Variants in SLC4A10 observed in about 807,000 individuals in gnomAD.
SLC4A10 encodes the protein solute carrier family 4 member 10, also known as sodium-driven chloride bicarbonate exchanger.
SLC4A10 carries 42 observed loss-of-function variants against 137.7 expected under a neutral mutation model. The ratio of observed to expected loss-of-function variants is 0.30; its 90% CI spans 0.24 to 0.39. The LOEUF (loss-of-function observed/expected upper bound fraction) is 0.39. Among genes scored for constraint, SLC4A10 ranks in the 10% least tolerant of loss-of-function variants. The probability of loss-of-function intolerance (pLI) is 1.00; values close to 1 mark genes in which losing one functional copy is unlikely to be tolerated. For synonymous variants in SLC4A10, 474 were observed against 464.1 expected (o/e 1.02, Z -0.27); for missense variants, 925 against 1,355.0 (o/e 0.68, Z 4.98).
chr2:161,960,060 G>A (rs990691155), intron 21 of SLC4A10, among the ~76,000 whole-genome samples: 3 of 152,082 alleles, frequency 2.0e-5, no homozygotes, highest in Non-Finnish European at 2.9e-5. Flanking sequence ...AATGACTGTG[G>A]TCCTTATAAG....
intron 1 of SLC4A10, among the ~76,000 whole-genome samples, chr2:161,672,403 A>G (rs191364118): frequency 1.8e-3 from 270 of 152,254 alleles, no homozygotes; most frequent in Non-Finnish European, 2.8e-3. Flanking sequence ...CTGCCTCCTG[A>G]CTTTTTCAAA....
chr2:161,959,831 A>G (rs182776763), intron 21 of SLC4A10, among the ~76,000 whole-genome samples: 72 of 152,296 alleles, frequency 4.7e-4, no homozygotes, highest in Non-Finnish European at 7.9e-4. Flanking sequence ...TAAAACCTCC[A>G]CAAGTGTATT....
intron 6 of SLC4A10, among the ~76,000 whole-genome samples, chr2:161,864,724 C>A (rs1338496093): frequency 6.6e-6 from 1 of 152,042 alleles, no homozygotes; most frequent in African/African-American, 2.4e-5. Context: ...TGCTTTGAAT[C>A]AAATCATATA....
chr2:161,945,386 T>C (rs1470934240), intron 16 of SLC4A10, among the ~76,000 whole-genome samples: 1 of 151,380 alleles, frequency 6.6e-6, no homozygotes, highest in Admixed American at 6.6e-5. Flanking sequence ...ATGCCAACTT[T>C]AATTTCTTAT....
In SLC4A10 at chr2:161,882,392, G is replaced by T; in HGVS notation, c.1142G>T (p.Gly381Val). 2 of 1,596,360 alleles carry T rather than the reference G, an allele frequency of 1.3e-6. No homozygotes were observed. The highest frequency in any genetic ancestry group is 1.7e-6 in the Non-Finnish European group (2 of 1,170,938). The change falls in exon 10 of 27, where the codon GGT (glycine) becomes GTT (valine). Residue 381 changes from glycine (G) to valine (V), a missense_variant. Transcript: ENST00000446997. ...LFILLGPLGK[G>V]QQYHEIGRSI... Reference sequence around the variant, plus strand: ...ATTCTTCTGGGACCCCTGGGAAAGGGTCAACAGTACCATGAGATTGGCAGA... The same window carrying T: ...ATTCTTCTGGGACCCCTGGGAAAGGTTCAACAGTACCATGAGATTGGCAGA...
chr2:161,984,852 A>G lies in SLC4A10; in HGVS notation c.*1700A>G, dbSNP rs1023761108. 5 of 151,960 alleles carry G rather than the reference A, an allele frequency of 3.3e-5. No individual in the cohort carries two copies. The highest frequency in any genetic ancestry group is 3.3e-4 in the Admixed American group (5 of 15,252). 9.4% of individuals were successfully genotyped at this position (151,960 alleles called of 1,614,324 possible). A position where few individuals can be genotyped will look rare whatever the true frequency, so the allele number is the denominator to read the frequency against. On this transcript the variant is annotated 3_prime_UTR_variant, in exon 27 of 27. Transcript: ENST00000446997. Reference sequence around the variant, plus strand: ...TTGTAAACATTTCCATTGTTTTATGATTTAGCCAGTGATTCCCCAAAGCAG... The same window carrying G: ...TTGTAAACATTTCCATTGTTTTATGGTTTAGCCAGTGATTCCCCAAAGCAG...
chr2:161,901,779 T>C (rs1003102415), intron 12 of SLC4A10, among the ~76,000 whole-genome samples: 2 of 152,116 alleles, frequency 1.3e-5, no homozygotes, highest in African/African-American at 4.8e-5. Context: ...TTTATCTATG[T>C]GTTGTCTCTG....
At position 161,825,498 on chromosome 2, in the gene SLC4A10, A is replaced by G. The variant is rs1216505533; in HGVS notation, c.278-14291A>G. 2.0e-5 allele frequency among the ~76,000 whole-genome samples: 3 copies of G among 152,094 alleles called. No homozygotes were observed. The South Asian group carries it at 6.2e-4, about 32-fold the overall frequency. Reference sequence around the variant, plus strand: ...ATTTATTCCTCTTCATCCCCTAGGCATTCAGTTATAATGATAGAGTCTCTC... The same window carrying G: ...ATTTATTCCTCTTCATCCCCTAGGCGTTCAGTTATAATGATAGAGTCTCTC... On this transcript the variant is annotated intron_variant, in intron 3 of 26. Coordinates refer to ENST00000446997, the MANE Select transcript of SLC4A10 (RefSeq NM_001178015.2).
intron 3 of SLC4A10, among the ~76,000 whole-genome samples, chr2:161,818,479 T>A (rs1256746897): frequency 2.0e-5 from 3 of 152,218 alleles, no homozygotes; most frequent in Non-Finnish European, 4.4e-5. Flanking sequence ...TTCCTTCTCC[T>A]GCCTGATTGC....
intron 1 of SLC4A10, among the ~76,000 whole-genome samples, chr2:161,741,669 T>G (rs1325170800): frequency 1.3e-5 from 2 of 152,218 alleles, no homozygotes; most frequent in Non-Finnish European, 2.9e-5. Flanking sequence ...CCTTTAAATT[T>G]TTTTTATTTT....
rs568976461 is a variant in SLC4A10, at chr2:161,873,017, T to G, written c.858+633T>G. On this transcript the variant is annotated intron_variant, in intron 7 of 26. Transcript: ENST00000446997. ...GCGTGAGCCACCCCGCCCGGCCAAG[T>G]TTAATCTATTGTTTAAAAACTTTGG... Among the ~76,000 whole-genome samples, 9 of 152,228 alleles carry G rather than the reference T, an allele frequency of 5.9e-5. 1 individual carries two copies. In the South Asian group the frequency reaches 1.7e-3, roughly 28 times the overall value.
intron 1 of SLC4A10, among the ~76,000 whole-genome samples, chr2:161,684,358 C>A (rs1026663128): frequency 6.6e-6 from 1 of 152,022 alleles, no homozygotes; most frequent in African/African-American, 2.4e-5. Context: ...TTTCTCCTTG[C>A]AGTCTGTTTA....
At chr2:161,680,048 AT>A (rs2040681474) in intron 1 of SLC4A10, among the ~76,000 whole-genome samples, 1 of 151,948 alleles carries the variant, frequency 6.6e-6, no homozygotes, top group African/African-American at 2.4e-5. Context: ...GCCTTTGTCT[AT>A]GGTGTTTCCC....
intron 14 of SLC4A10, 25 bp downstream of exon 14, chr2:161,904,934 C>G (rs1388656132): frequency 6.2e-7 from 1 of 1,611,356 alleles, no homozygotes; most frequent in Non-Finnish European, 8.5e-7. Flanking sequence ...CTTTTTGGCC[C>G]TTAGCCTCTT....
chr2:161,830,324 C>G (rs1461911435), intron 3 of SLC4A10, among the ~76,000 whole-genome samples: 1 of 152,102 alleles, frequency 6.6e-6, no homozygotes, highest in Non-Finnish European at 1.5e-5. Flanking sequence ...TATACAATGG[C>G]AGTTTGAAAT....
At chr2:161,859,826 C>T (rs951214454) in intron 5 of SLC4A10, among the ~76,000 whole-genome samples, 2 of 151,680 alleles carry the variant, frequency 1.3e-5, no homozygotes, top group African/African-American at 2.4e-5. Context: ...GGTCTCTATC[C>T]CCTGACCTCG....
Position 161,912,869 on chromosome 2 carries a change from T to G in SLC4A10, c.1997+6982T>G, listed in dbSNP as rs998113351. On this transcript the variant is annotated intron_variant, in intron 15 of 26. Transcript: ENST00000446997. Reference sequence around the variant, plus strand: ...ATAAGAATCTAGAAAGTGAATCACATAGTCTCAAGTCCTAGAGATATTCTA... The same window carrying G: ...ATAAGAATCTAGAAAGTGAATCACAGAGTCTCAAGTCCTAGAGATATTCTA... Among the ~76,000 whole-genome samples the G allele has an allele frequency of 5.3e-5, 8 of 152,124 alleles. 1 individual carries two copies. The highest frequency in any genetic ancestry group is 1.9e-4 in the African/African-American group (8 of 41,420).
chr2:161,979,147 T>C (rs1338350322), intron 26 of SLC4A10, among the ~76,000 whole-genome samples: 1 of 152,208 alleles, frequency 6.6e-6, no homozygotes, highest in Non-Finnish European at 1.5e-5. Context: ...AACAAACCTG[T>C]AAAAAATTTT....
chr2:161,769,726 G>A (rs551561676), intron 1 of SLC4A10, among the ~76,000 whole-genome samples: 2 of 151,616 alleles, frequency 1.3e-5, no homozygotes, highest in Non-Finnish European at 2.9e-5. Context: ...AATTCTTCAT[G>A]TGCGCTATTT....
Sources: gnomAD v4.1 joint callset for allele counts (sites outside exome capture counted in the v4.1 genomes callset) on GRCh38, gnomAD v4.1.1 for gene constraint, MANE v1.5 for transcripts, NCBI Gene and HGNC (gene_info 2026-07-23, HGNC 2026-07-21) for gene names.